AIPL1: variants seen among roughly 807,000 people sequenced by gnomAD.
AIPL1 encodes the protein aryl-hydrocarbon-interacting protein-like 1.
AIPL1 carries 23 observed loss-of-function variants against 32.9 expected under a neutral mutation model. The ratio of observed to expected loss-of-function variants is 0.70; its 90% CI spans 0.50 to 0.99. The LOEUF (loss-of-function observed/expected upper bound fraction) is 0.99. Ranked by LOEUF, AIPL1 falls within the 50% of genes least tolerant of loss-of-function variation. AIPL1 has a pLI of 0.00. For synonymous variants in AIPL1, 210 were observed against 209.4 expected, an observed-to-expected ratio of 1.00 and a Z score of -0.02; for missense variants, 485 against 506.0, an observed-to-expected ratio of 0.96 and a Z score of 0.40.
intron 2 of AIPL1, among the ~76,000 whole-genome samples, chr17:6,430,042 GGGGTGTGTGT>G (rs1414515662): frequency 8.6e-6 from 1 of 115,754 alleles, no homozygotes; most frequent in African/African-American, 3.3e-5. Context: ...AACTCTAGAA[GGGGTGTGTGT>G]GTGTGTGTGT....
intron 2 of AIPL1, 141 bp downstream of exon 2, chr17:6,433,778 G>T (rs908662765): frequency 9.4e-7 from 1 of 1,067,198 alleles, no homozygotes; most frequent in Non-Finnish European, 1.4e-6. Flanking sequence ...CATGCACAGC[G>T]GTGGGGAATA....
chr17:6,435,095 C>G lies in AIPL1; in HGVS notation c.10G>C (p.Ala4Pro). 6.2e-7 allele frequency: 1 copy of G among 1,614,136 alleles called. No homozygotes were observed. The highest frequency in any genetic ancestry group is 8.5e-7 in the Non-Finnish European group (1 of 1,180,020). ...ACCCCTTCCACGTTCAGGAGCAGAG[C>G]GGCATCCATGGCTGCAGGAGAAAGG... is the stretch of plus-strand genomic sequence containing the variant. MDA[A>P]LLLNVEGVKK... Residue 4 changes from alanine to proline, a missense_variant, in exon 1 of 6, where the codon GCT (alanine) becomes CCT (proline). Coordinates refer to ENST00000381129, the MANE Select transcript of AIPL1 (RefSeq NM_014336.5).
intron 2 of AIPL1, 106 bp from the exon 3 acceptor site, chr17:6,428,612 C>T (rs925368452): frequency 9.8e-7 from 1 of 1,016,828 alleles, no homozygotes; most frequent in South Asian, 1.3e-5. Context: ...CCTGCTCCCT[C>T]ACTATGCCAC....
rs1273713263 is a variant in AIPL1 at position 6,426,184 on chromosome 17, C to T, written c.785-354G>A. ...TAAATGAGATAATAAACGCAGACGA[C>T]GTGTGCCTGATGCATGAGCCAGGGG... On this transcript the variant is annotated intron_variant, in intron 5 of 5. Transcript: ENST00000381129. The T allele has an allele frequency of 2.7e-5, 34 of 1,280,742 alleles. No individual in the cohort carries two copies. The East Asian group carries it at 3.6e-4, about 14-fold the overall frequency. 79.3% of individuals were successfully genotyped at this position (1,280,742 alleles called of 1,614,324 possible).
chr17:6,434,984 T>C, intron 1 of AIPL1, 25 bp downstream of exon 1: 1 of 1,614,038 alleles, frequency 6.2e-7, no homozygotes. Flanking sequence ...GGGGACCCTG[T>C]CTGCTCCGGA....
At position 6,424,921 on chromosome 17, in the gene AIPL1, G is replaced by A. The variant is rs999290973; in HGVS notation, c.*539C>T. On this transcript the variant is annotated 3_prime_UTR_variant, in exon 6 of 6. Transcript: ENST00000381129. ...CTTGCCTTTGAAATCTTTCCTGGGG[G>A]AGGCCAAGAACCCTCTCAGGCTAAG... 6.6e-6 allele frequency: 1 copy of A among 152,350 alleles called. No homozygotes were observed. The highest frequency in any genetic ancestry group is 1.5e-5 in the Non-Finnish European group (1 of 68,254). 9.4% of individuals were successfully genotyped at this position (152,350 alleles called of 1,614,324 possible).
rs1911715739 is a variant in AIPL1, at chr17:6,424,487, G to A, written c.*973C>T. 6.6e-6 allele frequency: 1 copy of A among 152,330 alleles called. No individual in the cohort carries two copies. Among genetic ancestry groups the A allele is most frequent in the African/African-American group, 2.4e-5 (1 of 41,476 alleles). 9.4% of individuals were successfully genotyped at this position (152,330 alleles called of 1,614,324 possible). ...TGCTCTGCAGGGCAGTCACAGAGCTGCAACACTGCAGCTTCAATACAGCTG... is the reference window on the plus strand; with the variant it reads ...TGCTCTGCAGGGCAGTCACAGAGCTACAACACTGCAGCTTCAATACAGCTG... On this transcript the variant is annotated 3_prime_UTR_variant, in exon 6 of 6. Coordinates refer to ENST00000381129, the MANE Select transcript of AIPL1 (RefSeq NM_014336.5).
chr17:6,433,397 G>T (rs995429587), intron 2 of AIPL1, among the ~76,000 whole-genome samples: 16 of 152,092 alleles, frequency 1.1e-4, no homozygotes, highest in African/African-American at 3.9e-4. Flanking sequence ...AAGAGTTTAG[G>T]ACTAGCCTGG....
In AIPL1 at chr17:6,424,451, T is replaced by TG. The variant is rs1426656991; in HGVS notation, c.*1008dup. The TG allele has an allele frequency of 6.6e-6, 1 of 152,172 alleles. No homozygotes were observed. The highest frequency in any genetic ancestry group is 6.5e-5 in the Admixed American group (1 of 15,290). The allele number at this position is 152,172 out of a possible 1,614,324, so 9.4% of individuals were successfully genotyped here. On this transcript the variant is annotated 3_prime_UTR_variant, in exon 6 of 6. Coordinates refer to ENST00000381129, the MANE Select transcript of AIPL1 (RefSeq NM_014336.5). ...GCCCTGAGCTGCTGCTCGCTGCCTATGGGGTAGCCCTGCTCTGCAGGGCAG... is the reference window on the plus strand; with the variant it reads ...GCCCTGAGCTGCTGCTCGCTGCCTATGGGGGTAGCCCTGCTCTGCAGGGCAG...
At chr17:6,433,777 C>T (rs1597340015) in intron 2 of AIPL1, 142 bp downstream of exon 2, 4 of 1,062,308 alleles carry the variant, frequency 3.8e-6, no homozygotes, top group Middle Eastern at 2.9e-4. Context: ...ACATGCACAG[C>T]GGTGGGGAAT....
At chr17:6,433,283 A>G (rs77305374) in intron 2 of AIPL1, among the ~76,000 whole-genome samples, 5,883 of 152,280 alleles carry the variant, frequency 0.039, 246 homozygotes, top group South Asian at 0.11. Flanking sequence ...AAATCTCCAG[A>G]TCTAATCATG....
rs1342076335 is a variant in AIPL1, at chr17:6,425,683, C to A, written c.932G>T (p.Arg311Leu). 1 of 1,609,646 alleles carries A rather than the reference C, an allele frequency of 6.2e-7. No individual in the cohort carries two copies. The highest frequency in any genetic ancestry group is 1.1e-5 in the South Asian group (1 of 91,082). The part of the protein sequence containing the change: ...VRRELRLLEN[R>L]MAEKQEEERL... ...CTCCTCCTCCTGCTTCTCCGCCATG[C>A]GGTTCTCCAGCAGCCTCAGCTCCCT... is the stretch of plus-strand genomic sequence containing the variant. Residue 311 changes from arginine to leucine, a missense_variant, in exon 6 of 6, where the codon CGC (arginine) becomes CTC (leucine). Physicochemically the swap from Arg to Leu is moderately radical, Grantham distance 102. Transcript: ENST00000381129.
chr17:6,426,759 G>A lies in AIPL1; in HGVS notation c.643-3C>T, dbSNP rs201856841. 1.2e-6 allele frequency: 2 copies of A among 1,613,360 alleles called. No individual in the cohort carries two copies. Among genetic ancestry groups the A allele is most frequent in the South Asian group, 2.2e-5 (2 of 91,082 alleles). On this transcript the variant is annotated splice_polypyrimidine_tract_variant and splice_region_variant and intron_variant, in intron 4 of 5. Transcript: ENST00000381129. ...CACTGCACCTCCCATGGCTTCTCCT[G>A]CCCAGGGAGAAGGTCAGCCATGACC...
chr17:6,434,862 G>T, intron 1 of AIPL1, 147 bp downstream of exon 1: 3 of 1,422,612 alleles, frequency 2.1e-6, no homozygotes, highest in Non-Finnish European at 2.8e-6. Flanking sequence ...ATGGGTAAAC[G>T]CTGGGAGCTC....
At chr17:6,430,594 G>C (rs1912508754) in intron 2 of AIPL1, among the ~76,000 whole-genome samples, 1 of 151,526 alleles carries the variant, frequency 6.6e-6, no homozygotes, top group Non-Finnish European at 1.5e-5. Flanking sequence ...AATGACAACA[G>C]CTTGTGGTTT....
chr17:6,429,698 C>G (rs59780410), intron 2 of AIPL1, among the ~76,000 whole-genome samples: 12,197 of 152,192 alleles, frequency 0.08, 1,246 homozygotes, highest in African/African-American at 0.23. Context: ...GTCTGCTCCT[C>G]CTGCAGAATT....
rs774130041 is a variant in AIPL1 at position 6,428,521 on chromosome 17, G to A, written c.277-15C>T. On this transcript the variant is annotated splice_polypyrimidine_tract_variant and intron_variant, in intron 2 of 5. Coordinates refer to ENST00000381129, the MANE Select transcript of AIPL1 (RefSeq NM_014336.5). Reference sequence around the variant, plus strand: ...ACCCCCGTGTGCTGTGGGGATAAACGGATGGATGGCATCCAGGCTACCTGC... The same window carrying A: ...ACCCCCGTGTGCTGTGGGGATAAACAGATGGATGGCATCCAGGCTACCTGC... 21 of 1,612,296 alleles carry A rather than the reference G, an allele frequency of 1.3e-5. No individual in the cohort carries two copies. The highest frequency in any genetic ancestry group is 8.9e-5 in the East Asian group (4 of 44,870).
chr17:6,428,207 A>G, intron 3 of AIPL1, 111 bp downstream of exon 3: 2 of 1,219,238 alleles, frequency 1.6e-6, no homozygotes, highest in South Asian at 1.2e-5. Context: ...CGTATTATCT[A>G]AACAGAAACA....
At chr17:6,433,650 C>G (rs571451648) in intron 2 of AIPL1, among the ~76,000 whole-genome samples, 1,591 of 149,218 alleles carry the variant, frequency 0.011, 33 homozygotes, top group African/African-American at 0.039. Flanking sequence ...CACACACACA[C>G]ACACAGATGT....
Sources: gnomAD v4.1 joint callset for allele counts (sites outside exome capture counted in the v4.1 genomes callset) on GRCh38, gnomAD v4.1.1 for gene constraint, MANE v1.5 for transcripts, NCBI Gene and HGNC (gene_info 2026-07-23, HGNC 2026-07-21) for gene names.